The following DOK5 variants were observed in gnomAD, a reference collection of about 807,000 sequenced individuals.
The protein encoded by DOK5 is downstream of tyrosine kinase 5.
In DOK5, 27 loss-of-function variants were observed where a neutral mutation model predicts 43.3. The observed-to-expected ratio is 0.62, with a 90% CI of 0.46 to 0.86. DOK5 has a LOEUF of 0.86. Among genes scored for constraint, DOK5 ranks in the 40% least tolerant of loss-of-function variants. The probability of loss-of-function intolerance (pLI) is 0.00; values close to 1 mark genes in which losing one functional copy is unlikely to be tolerated. For synonymous variants in DOK5, 146 were observed against 140.1 expected, an observed-to-expected ratio of 1.04 and a Z score of -0.30; for missense variants, 373 against 392.9, an observed-to-expected ratio of 0.95 and a Z score of 0.43.
intron 2 of DOK5, among the ~76,000 whole-genome samples, chr20:54,579,606 TA>T (rs1194316052): frequency 5.9e-5 from 9 of 152,198 alleles, no homozygotes; most frequent in Non-Finnish European, 1.0e-4. Flanking sequence ...TTTCTGTTTC[TA>T]TGAGTTCAGC....
At chr20:54,493,189 T>C (rs1982261311) in intron 1 of DOK5, among the ~76,000 whole-genome samples, 1 of 152,146 alleles carries the variant, frequency 6.6e-6, no homozygotes, top group Admixed American at 6.6e-5. Flanking sequence ...TATCCTACCT[T>C]TCTTACAACT....
intron 5 of DOK5, among the ~76,000 whole-genome samples, chr20:54,593,322 A>T (rs1568800791): frequency 6.6e-6 from 1 of 152,084 alleles, no homozygotes; most frequent in Non-Finnish European, 1.5e-5. Context: ...TACATTTCAG[A>T]AATATGATCA....
intron 2 of DOK5, among the ~76,000 whole-genome samples, chr20:54,587,956 C>T (rs927809155): frequency 4.6e-5 from 7 of 152,060 alleles, no homozygotes; most frequent in South Asian, 2.1e-4. Context: ...AGACTCTTGA[C>T]GCTGTATCTC....
chr20:54,583,420 C>T (rs1030287010), intron 2 of DOK5, among the ~76,000 whole-genome samples: 1 of 152,088 alleles, frequency 6.6e-6, no homozygotes, highest in African/African-American at 2.4e-5. Context: ...TGTTCAAGCA[C>T]TCTGTTTTCT....
chr20:54,508,797 C>T lies in DOK5; in HGVS notation c.66+32785C>T, dbSNP rs185734352. ...GTTTCTCCATGTTGGCCAGGCTGGT[C>T]TTGAACTCCTGACCTCAGGTGATCT... On this transcript the variant is annotated intron_variant, in intron 1 of 7. Coordinates refer to ENST00000262593, the MANE Select transcript of DOK5 (RefSeq NM_018431.5). Among the ~76,000 whole-genome samples, 959 of 152,060 alleles carry T rather than the reference C, an allele frequency of 6.3e-3. 15 individuals are homozygous for T. The highest frequency in any genetic ancestry group is 0.022 in the African/African-American group (906 of 41,476).
At chr20:54,508,887 T>A (rs1760060583) in intron 1 of DOK5, among the ~76,000 whole-genome samples, 1 of 151,530 alleles carries the variant, frequency 6.6e-6, no homozygotes, top group South Asian at 2.1e-4. Flanking sequence ...GCTATTTATT[T>A]ATTTTTTTAG....
At chr20:54,590,333 T>C (rs576652893) in intron 4 of DOK5, among the ~76,000 whole-genome samples, 2 of 152,312 alleles carry the variant, frequency 1.3e-5, no homozygotes, top group South Asian at 4.2e-4. Context: ...GTAATTAAAA[T>C]GGTCACTCCA....
At chr20:54,574,461 G>A (rs982025170) in intron 2 of DOK5, among the ~76,000 whole-genome samples, 15 of 152,146 alleles carry the variant, frequency 9.9e-5, no homozygotes, top group African/African-American at 1.4e-4. Flanking sequence ...ACACATCTGA[G>A]TTAAAAGCTG....
At chr20:54,618,642 C>T (rs747475292) in intron 6 of DOK5, among the ~76,000 whole-genome samples, 1 of 152,118 alleles carries the variant, frequency 6.6e-6, no homozygotes, top group African/African-American at 2.4e-5. Context: ...TGCACCTGGC[C>T]GGTCTCAGCA....
Position 54,591,779 on chromosome 20 carries a change from T to C in DOK5, c.573T>C (p.Thr191=), listed in dbSNP as rs1985985398. 1 of 1,612,856 alleles carries C rather than the reference T, an allele frequency of 6.2e-7. No homozygotes were observed. Among genetic ancestry groups the C allele is most frequent in the Non-Finnish European group, 8.5e-7 (1 of 1,179,776 alleles). The change falls in exon 5 of 8, where the codon ACT becomes ACC. Residue 191 remains threonine (T), a synonymous_variant. Coordinates refer to ENST00000262593, the MANE Select transcript of DOK5 (RefSeq NM_018431.5). ...CCCTGCGGCGGTATGGACGTGATAC[T>C]ACGTGGTTCACTTTTGAGGCAGGGA... is the stretch of plus-strand genomic sequence containing the variant. ...LSALRRYGRD[T]TWFTFEAGRM...
intron 1 of DOK5, among the ~76,000 whole-genome samples, chr20:54,545,436 C>T (rs1984306796): frequency 6.6e-6 from 1 of 152,146 alleles, no homozygotes; most frequent in African/African-American, 2.4e-5. Flanking sequence ...GGGTTGGGCA[C>T]TCATGGAGAA....
chr20:54,543,990 T>G (rs1422814082), intron 1 of DOK5, among the ~76,000 whole-genome samples: 2 of 152,208 alleles, frequency 1.3e-5, no homozygotes, highest in East Asian at 3.8e-4. Flanking sequence ...TGGGTCAAAG[T>G]GTAGATATAA....
At chr20:54,490,371 T>G (rs543328659) in intron 1 of DOK5, among the ~76,000 whole-genome samples, 11 of 152,154 alleles carry the variant, frequency 7.2e-5, no homozygotes, top group Non-Finnish European at 1.3e-4. Context: ...TACATATATT[T>G]TAAATTTAAT....
intron 1 of DOK5, among the ~76,000 whole-genome samples, chr20:54,504,912 A>G (rs572464679): frequency 3.3e-5 from 5 of 152,246 alleles, no homozygotes; most frequent in Non-Finnish European, 7.4e-5. Flanking sequence ...TTGTGTAGCT[A>G]AAGAGACCTC....
At chr20:54,572,102 A>C (rs1985301281) in intron 2 of DOK5, among the ~76,000 whole-genome samples, 1 of 151,978 alleles carries the variant, frequency 6.6e-6, no homozygotes, top group South Asian at 2.1e-4. Flanking sequence ...TCTGTGTTTG[A>C]ATTACTGTCT....
intron 6 of DOK5, among the ~76,000 whole-genome samples, chr20:54,634,764 T>C (rs1344895885): frequency 6.6e-6 from 1 of 151,120 alleles, no homozygotes; most frequent in Non-Finnish European, 1.5e-5. Flanking sequence ...CTATCTGCTT[T>C]TTTTTTTTTG....
chr20:54,616,317 C>T (rs953300209), intron 6 of DOK5, among the ~76,000 whole-genome samples: 12 of 152,168 alleles, frequency 7.9e-5, no homozygotes, highest in African/African-American at 2.7e-4. Context: ...TTTCTTTATC[C>T]TACATGAGAT....
chr20:54,493,621 G>A (rs1333096951), intron 1 of DOK5, among the ~76,000 whole-genome samples: 1 of 152,130 alleles, frequency 6.6e-6, no homozygotes. Context: ...AGTCATCAGT[G>A]GCTACCATAT....
intron 6 of DOK5, among the ~76,000 whole-genome samples, chr20:54,619,023 T>TTATATATA (rs11468808): frequency 2.3e-4 from 10 of 43,394 alleles, no homozygotes; most frequent in Admixed American, 5.8e-4. Context: ...TTTCAATAAA[T>TTATATATA]TATATATATA....
Sources: gnomAD v4.1 joint callset for allele counts (sites outside exome capture counted in the v4.1 genomes callset) on GRCh38, gnomAD v4.1.1 for gene constraint, MANE v1.5 for transcripts, NCBI Gene and HGNC (gene_info 2026-07-23, HGNC 2026-07-21) for gene names.